DNAH3: variants seen among roughly 807,000 people sequenced by gnomAD.
DNAH3 encodes axonemal beta dynein heavy chain 3.
A neutral mutation model predicts 432.5 loss-of-function variants in DNAH3; 332 were observed. The ratio of observed to expected loss-of-function variants is 0.77; its 90% confidence interval spans 0.70 to 0.84. The LOEUF (loss-of-function observed/expected upper bound fraction) is 0.84, where lower values mean the gene tolerates loss of function less well. DNAH3 is among the 40% of genes least tolerant of loss of function. The probability of loss-of-function intolerance (pLI) is 0.00; values close to 1 mark genes in which losing one functional copy is unlikely to be tolerated. For missense variants in DNAH3, 4,861 were observed against 5,114.0 expected, an observed-to-expected ratio of 0.95 and a Z score of 1.51; for synonymous variants, 1,956 against 1,900.2, an observed-to-expected ratio of 1.03 and a Z score of -0.76.
intron 50 of DNAH3, among the ~76,000 whole-genome samples, chr16:20,977,482 T>C (rs1447675562): frequency 6.8e-6 from 1 of 146,812 alleles, no homozygotes; most frequent in African/African-American, 2.4e-5. Flanking sequence ...GATTCTGCCT[T>C]TTAAGGCAGC....
In DNAH3 at chr16:21,022,831, G is replaced by A. The variant is rs547531168; in HGVS notation, c.5647-731C>T. Among the ~76,000 whole-genome samples the A allele has an allele frequency of 7.3e-5, 11 of 150,372 alleles. No homozygotes were observed. The East Asian group carries it at 9.7e-4, about 13-fold the overall frequency. ...GTGATCTCAGCTCACTACAACCTCC[G>A]CCCCCACTGGGTTCAAGCGATTCTC... On this transcript the variant is annotated intron_variant, in intron 39 of 61. Transcript: ENST00000261383.
intron 32 of DNAH3, among the ~76,000 whole-genome samples, chr16:21,040,358 A>AT (rs55797285): frequency 0.12 from 9,529 of 79,558 alleles, 952 homozygotes; most frequent in East Asian, 0.28. Flanking sequence ...AGCCAGACAG[A>AT]TTTTTTTTTT....
At chr16:21,150,400 A>G (rs1308029909) in intron 1 of DNAH3, 1 of 426,766 alleles carries the variant, frequency 2.3e-6, no homozygotes, top group Non-Finnish European at 4.6e-6. Context: ...TCTCCTATCC[A>G]GTTGGTCTGA....
chr16:20,961,805 C>T (rs1406140600), intron 53 of DNAH3, among the ~76,000 whole-genome samples: 1 of 146,830 alleles, frequency 6.8e-6, no homozygotes. Flanking sequence ...TCTTGTTGCC[C>T]AGGCTGGAGT....
exon 53 of DNAH3, chr16:20,964,726 G>C (rs2084975993): frequency 3.1e-6 from 5 of 1,614,136 alleles, no homozygotes; most frequent in Non-Finnish European, 4.2e-6. Context: ...AATCTGCCAG[G>C]CACGGATTTT....
intron 2 of DNAH3, 105 bp from the exon 4 acceptor site, chr16:21,145,511 A>G (rs2092772193): frequency 2.2e-6 from 2 of 906,820 alleles, no homozygotes; most frequent in Non-Finnish European, 3.5e-6. Flanking sequence ...GCCTTATGCT[A>G]TGTTTCTGCC....
intron 38 of DNAH3, among the ~76,000 whole-genome samples, chr16:21,025,081 C>T (rs898197228): frequency 2.0e-5 from 3 of 151,988 alleles, no homozygotes; most frequent in African/African-American, 7.3e-5. Flanking sequence ...CGTCCCACCA[C>T]ACCTGGCTAA....
At position 20,936,037 on chromosome 16, in the gene DNAH3, G is replaced by A. The variant is rs533255257; in HGVS notation, c.11860-552C>T. ...TTCTATTTTTTGCAGTACAAACATC[G>A]GATTTTTATATGTAAAAAATCAATG... On this transcript the variant is annotated intron_variant, in intron 60 of 61. Transcript: ENST00000261383. 2.6e-3 allele frequency among the ~76,000 whole-genome samples: 391 copies of A among 152,122 alleles called. 1 individual carries two copies. The highest frequency in any genetic ancestry group is 4.0e-3 in the Non-Finnish European group (273 of 68,020).
At chr16:21,115,719 A>T (rs1428636625) in intron 12 of DNAH3, among the ~76,000 whole-genome samples, 2 of 140,968 alleles carry the variant, frequency 1.4e-5, no homozygotes, top group South Asian at 2.3e-4. Flanking sequence ...AAAATAATAA[A>T]ATAAATAAAA....
intron 58 of DNAH3, among the ~76,000 whole-genome samples, chr16:20,943,552 T>C (rs1266584286): frequency 7.2e-6 from 1 of 138,552 alleles, no homozygotes; most frequent in Non-Finnish European, 1.5e-5. Context: ...ATCTTTCTCT[T>C]TTCATTCCTC....
At position 21,081,735 on chromosome 16, in the gene DNAH3, GA is replaced by G; in HGVS notation, c.2878-9del. 3 of 1,611,922 alleles carry G rather than the reference GA, an allele frequency of 1.9e-6. No individual in the cohort carries two copies. Among genetic ancestry groups the G allele is most frequent in the Non-Finnish European group, 2.5e-6 (3 of 1,178,316 alleles). On this transcript the variant is annotated splice_polypyrimidine_tract_variant and intron_variant, in intron 19 of 61. Coordinates refer to ENST00000261383, the Ensembl canonical transcript of DNAH3. ...GCCAACAATCTCACTGATCTGCAAA[GA>G]AAAGAGGAAAGCAAATGTTTGTTGT...
intron 47 of DNAH3, among the ~76,000 whole-genome samples, chr16:20,986,950 T>C: frequency 6.6e-6 from 1 of 152,178 alleles, no homozygotes; most frequent in Non-Finnish European, 1.5e-5. Flanking sequence ...CACTTGAGCT[T>C]TATAGGACCT....
intron 61 of DNAH3, among the ~76,000 whole-genome samples, chr16:20,934,170 A>C (rs1056250151): frequency 1.3e-5 from 2 of 152,238 alleles, no homozygotes; most frequent in Admixed American, 6.5e-5. Flanking sequence ...ATTTAAAATC[A>C]TTCAAATTAT....
At chr16:21,036,119 G>A (rs955818478) in intron 35 of DNAH3, among the ~76,000 whole-genome samples, 1 of 152,188 alleles carries the variant, frequency 6.6e-6, no homozygotes, top group Admixed American at 6.5e-5. Flanking sequence ...GAGGTCAGGA[G>A]TTTGAGACCA....
Position 21,119,068 on chromosome 16 carries a change from G to A in DNAH3, c.1699+1672C>T, listed in dbSNP as rs144358119. Among the ~76,000 whole-genome samples the A allele has an allele frequency of 7.2e-5, 11 of 152,302 alleles. No homozygotes were observed. The East Asian group carries it at 1.9e-3, about 27-fold the overall frequency. On this transcript the variant is annotated intron_variant, in intron 11 of 61. Coordinates refer to ENST00000261383, the Ensembl canonical transcript of DNAH3. ...ATCCAGAGGTTTTGAAACCAGTGGA[G>A]GAGCAACTTCTTTGCTGCAGCCATA...
At chr16:20,984,161 A>G (rs1474014498) in intron 48 of DNAH3, among the ~76,000 whole-genome samples, 3 of 150,610 alleles carry the variant, frequency 2.0e-5, no homozygotes, top group Admixed American at 6.6e-5. Context: ...CCTTATCCCA[A>G]TGTGTGTGTG....
intron 54 of DNAH3, among the ~76,000 whole-genome samples, chr16:20,955,699 A>G (rs1002640877): frequency 2.0e-5 from 3 of 152,098 alleles, no homozygotes; most frequent in Admixed American, 6.6e-5. Context: ...TTACAGAAAA[A>G]GTTTGCTGAT....
At chr16:21,107,756 A>C (rs1175464881) in intron 14 of DNAH3, among the ~76,000 whole-genome samples, 1 of 152,222 alleles carries the variant, frequency 6.6e-6, no homozygotes, top group African/African-American at 2.4e-5. Flanking sequence ...CTTAACTACA[A>C]TTAGAAGCAA....
At chr16:21,141,780 G>A (rs1271123091) in intron 3 of DNAH3, among the ~76,000 whole-genome samples, 1 of 152,252 alleles carries the variant, frequency 6.6e-6, no homozygotes, top group Non-Finnish European at 1.5e-5. Flanking sequence ...GCCAGGCACG[G>A]TGGCTCATGC....
Sources: gnomAD v4.1 joint callset for allele counts (sites outside exome capture counted in the v4.1 genomes callset) on GRCh38, gnomAD v4.1.1 for gene constraint, MANE v1.5 for transcripts, NCBI Gene and HGNC (gene_info 2026-07-23, HGNC 2026-07-21) for gene names.